MALRD1: variants seen among roughly 807,000 people sequenced by gnomAD.
MALRD1 encodes the protein MAM and LDL-receptor class A domain-containing protein 1.
A neutral mutation model predicts 242.1 loss-of-function variants in MALRD1; 247 were observed. The observed-to-expected ratio is 1.02, with a 90% CI of 0.92 to 1.13. The LOEUF (loss-of-function observed/expected upper bound fraction) is 1.13. Ranked by LOEUF, MALRD1 falls within the 50% of genes most tolerant of loss-of-function variation. The probability of loss-of-function intolerance (pLI) is 0.00; values close to 1 mark genes in which losing one functional copy is unlikely to be tolerated. For synonymous variants in MALRD1, 995 were observed against 866.6 expected (o/e 1.15, Z -2.60); for missense variants, 2,989 against 2,533.1 (o/e 1.18, Z -3.86).
chr10:19,592,728 GACACACACACACACACACACACAC>G (rs71949886), intron 33 of MALRD1, among the ~76,000 whole-genome samples: 1 of 123,828 alleles, frequency 8.1e-6, no homozygotes, highest in Non-Finnish European at 1.8e-5. Context: ...AAAATATAAA[GACACACACACACACACACACACAC>G]ACACACACAC....
At chr10:19,168,247 C>G (rs972787342) in intron 13 of MALRD1, among the ~76,000 whole-genome samples, 4 of 152,138 alleles carry the variant, frequency 2.6e-5, no homozygotes, top group Non-Finnish European at 4.4e-5. Context: ...GCATTTGACA[C>G]AAAGGCTGGT....
In MALRD1 at chr10:19,205,393, G is replaced by A. The variant is rs1182105750; in HGVS notation, c.2578+128G>A. The A allele has an allele frequency of 6.2e-6, 7 of 1,131,030 alleles. No individual in the cohort carries two copies. The African/African-American group carries it at 9.5e-5, about 15-fold the overall frequency. 70.1% of individuals were successfully genotyped at this position (1,131,030 alleles called of 1,614,324 possible). ...GCTCCAAAGCTGATGAATGTTATGT[G>A]TGGTTAATTAGTCAAGCCATCAGTA... On this transcript the variant is annotated intron_variant, in intron 17 of 39. Coordinates refer to ENST00000454679, the MANE Select transcript of MALRD1 (RefSeq NM_001142308.3).
chr10:19,454,704 G>C lies in MALRD1; in HGVS notation c.5029+4214G>C, dbSNP rs1008451713. Among the ~76,000 whole-genome samples, 13 of 121,064 alleles carry C rather than the reference G, an allele frequency of 1.1e-4. No individual in the cohort carries two copies. The Admixed American group carries it at 1.2e-3, about 11-fold the overall frequency. 79.4% of individuals were successfully genotyped at this position (121,064 alleles called of 152,430 possible). On this transcript the variant is annotated intron_variant, in intron 29 of 39. Transcript: ENST00000454679. ...AACCGTTGTAAATCGAGGACTGTCC[G>C]TGCACACGTACACACACACACACAC...
At position 19,165,242 on chromosome 10, in the gene MALRD1, AATATATAT is replaced by A. The variant is rs57449195; in HGVS notation, c.1657-378_1657-371del. On this transcript the variant is annotated intron_variant, in intron 12 of 39. Transcript: ENST00000454679. The stretch of plus-strand genomic sequence containing the variant: ...TATATTTAACACAGAAGTTGTTTGG[AATATATAT>A]ATATATATATATATATTTTGTTTTG... Among the ~76,000 whole-genome samples the A allele has an allele frequency of 2.0e-3, 140 of 69,776 alleles. 4 individuals are homozygous for A. Among genetic ancestry groups the A allele is most frequent in the South Asian group, 6.9e-3 (13 of 1,876 alleles). 45.8% of individuals were successfully genotyped at this position (69,776 alleles called of 152,430 possible).
chr10:19,297,276 ATTAT>A (rs1450093999), intron 21 of MALRD1, among the ~76,000 whole-genome samples: 7 of 151,772 alleles, frequency 4.6e-5, no homozygotes, highest in African/African-American at 1.7e-4. Context: ...AATTGAAATA[ATTAT>A]TTACTTATAA....
At chr10:19,611,754 A>C (rs1564483709) in intron 35 of MALRD1, among the ~76,000 whole-genome samples, 1 of 152,022 alleles carries the variant, frequency 6.6e-6, no homozygotes, top group African/African-American at 2.4e-5. Flanking sequence ...GAGTAAATCA[A>C]AGCTGAAAAT....
At chr10:19,354,441 T>C (rs1423586880) in intron 26 of MALRD1, among the ~76,000 whole-genome samples, 2 of 152,104 alleles carry the variant, frequency 1.3e-5, no homozygotes, top group African/African-American at 4.8e-5. Flanking sequence ...ATTTAAACAT[T>C]ATGCAGTGCT....
intron 19 of MALRD1, 150 bp from the exon 20 acceptor site, chr10:19,279,897 C>T (rs4359106): frequency 0.076 from 38,617 of 509,240 alleles, 2,124 homozygotes; most frequent in Admixed American, 0.21. Flanking sequence ...ACAAGAACCT[C>T]GATTTTATTT....
intron 34 of MALRD1, among the ~76,000 whole-genome samples, chr10:19,601,152 G>A (rs985212382): frequency 5.3e-5 from 8 of 152,030 alleles, no homozygotes; most frequent in Admixed American, 5.3e-4. Flanking sequence ...AAAGTTTTGG[G>A]CTTACAGGTG....
chr10:19,189,183 A>T (rs185699572), intron 14 of MALRD1, among the ~76,000 whole-genome samples: 36 of 152,250 alleles, frequency 2.4e-4, no homozygotes, highest in African/African-American at 8.4e-4. Context: ...ATATACAAAT[A>T]CATGCCACAA....
intron 18 of MALRD1, among the ~76,000 whole-genome samples, chr10:19,220,036 G>T: frequency 6.6e-6 from 1 of 152,082 alleles, no homozygotes; most frequent in South Asian, 2.1e-4. Flanking sequence ...TTTCTTCTTG[G>T]ATAATTTTCA....
At chr10:19,497,006 T>C (rs1011128382) in intron 30 of MALRD1, among the ~76,000 whole-genome samples, 1 of 152,134 alleles carries the variant, frequency 6.6e-6, no homozygotes, top group Non-Finnish European at 1.5e-5. Context: ...CCTGATTGGA[T>C]AAATATCTTT....
intron 5 of MALRD1, among the ~76,000 whole-genome samples, chr10:19,121,333 C>T (rs1837057219): frequency 2.0e-5 from 3 of 152,110 alleles, no homozygotes; most frequent in Admixed American, 2.0e-4. Flanking sequence ...AGCCACTGTG[C>T]CCAGCCTACT....
chr10:19,415,042 G>T (rs1402912697), intron 28 of MALRD1, among the ~76,000 whole-genome samples: 2 of 151,950 alleles, frequency 1.3e-5, no homozygotes, highest in Non-Finnish European at 1.5e-5. Flanking sequence ...CACCTATTAG[G>T]CTATGAAGCC....
intron 28 of MALRD1, among the ~76,000 whole-genome samples, chr10:19,399,945 G>T (rs1176683486): frequency 6.6e-6 from 1 of 152,100 alleles, no homozygotes; most frequent in African/African-American, 2.4e-5. Context: ...GAGCAGTTTG[G>T]GATATACTAT....
intron 29 of MALRD1, among the ~76,000 whole-genome samples, chr10:19,451,696 T>C (rs1285563844): frequency 6.6e-6 from 1 of 152,202 alleles, no homozygotes; most frequent in East Asian, 1.9e-4. Flanking sequence ...AAATGTGACT[T>C]TGGTTTTTTT....
intron 10 of MALRD1, among the ~76,000 whole-genome samples, chr10:19,144,417 G>T (rs968440526): frequency 3.3e-5 from 5 of 152,328 alleles, no homozygotes; most frequent in African/African-American, 1.2e-4. Flanking sequence ...GGTTCAGTTT[G>T]CATGTAGAGA....
At chr10:19,159,058 A>G (rs1038472891) in intron 12 of MALRD1, among the ~76,000 whole-genome samples, 4 of 152,194 alleles carry the variant, frequency 2.6e-5, no homozygotes, top group African/African-American at 9.6e-5. Context: ...GCTCTCTCCA[A>G]TCTGTATATC....
chr10:19,346,238 A>G (rs1188562180), intron 24 of MALRD1, among the ~76,000 whole-genome samples: 1 of 152,202 alleles, frequency 6.6e-6, no homozygotes, highest in Non-Finnish European at 1.5e-5. Flanking sequence ...TGCCAAGTGC[A>G]ATAGAACTTG....
Sources: gnomAD v4.1 joint callset for allele counts (sites outside exome capture counted in the v4.1 genomes callset) on GRCh38, gnomAD v4.1.1 for gene constraint, MANE v1.5 for transcripts, NCBI Gene and HGNC (gene_info 2026-07-23, HGNC 2026-07-21) for gene names.